DGKB: variants seen among roughly 807,000 people sequenced by gnomAD.
DGKB encodes the protein 90 kDa diacylglycerol kinase.
DGKB carries 67 observed loss-of-function variants against 114.3 expected under a neutral mutation model. That is an observed-to-expected ratio of 0.59 (90% CI 0.48 to 0.72). The LOEUF is 0.72. Ranked by LOEUF, DGKB falls within the 30% of genes least tolerant of loss-of-function variation. DGKB has a pLI of 0.00. For missense variants in DGKB, 907 were observed against 975.2 expected, an observed-to-expected ratio of 0.93 and a Z score of 0.93; for synonymous variants, 398 against 323.1, an observed-to-expected ratio of 1.23 and a Z score of -2.49.
chr7:14,875,061 G>T (rs1239751435), intron 1 of DGKB, among the ~76,000 whole-genome samples: 1 of 152,024 alleles, frequency 6.6e-6, no homozygotes, highest in Non-Finnish European at 1.5e-5. Flanking sequence ...TTAGGGAGAA[G>T]TTTGGTGTAC....
chr7:14,696,364 G>A (rs1015942526), intron 8 of DGKB, among the ~76,000 whole-genome samples: 3 of 151,622 alleles, frequency 2.0e-5, no homozygotes, highest in African/African-American at 4.8e-5. Context: ...GCGCGGTGGC[G>A]GGCGCCTGTA....
In DGKB at chr7:14,698,310, C is replaced by A. The variant is rs1290083782; in HGVS notation, c.517-141G>T. The A allele has an allele frequency of 7.7e-6, 4 of 518,532 alleles. No individual in the cohort carries two copies. The African/African-American group carries it at 8.2e-5, about 11-fold the overall frequency. The allele number at this position is 518,532 out of a possible 1,614,324, so 32.1% of individuals were successfully genotyped here. ...TGGGAATATATATATGTACATAATC[C>A]TTTTTAAAGGTCTAATTAACTATAT... On this transcript the variant is annotated intron_variant, in intron 7 of 25. Coordinates refer to ENST00000402815, the MANE Select transcript of DGKB (RefSeq NM_001350709.2).
At chr7:14,655,263 A>G (rs1815523900) in intron 13 of DGKB, among the ~76,000 whole-genome samples, 1 of 151,652 alleles carries the variant, frequency 6.6e-6, no homozygotes, top group Non-Finnish European at 1.5e-5. Context: ...AGAAATACAA[A>G]TGGCCAAAAA....
intron 1 of DGKB, among the ~76,000 whole-genome samples, chr7:14,885,283 C>G (rs890563159): frequency 6.6e-6 from 1 of 151,946 alleles, no homozygotes; most frequent in African/African-American, 2.4e-5. Context: ...ATTTCCTGCA[C>G]TCAAGGACAA....
chr7:14,915,935 T>C (rs2128245264), intron 1 of DGKB, among the ~76,000 whole-genome samples: 1 of 152,092 alleles, frequency 6.6e-6, no homozygotes. Flanking sequence ...AAATAAAATG[T>C]TTTGCTTTTC....
chr7:14,824,647 C>A (rs1156612075), intron 2 of DGKB, among the ~76,000 whole-genome samples: 1 of 151,970 alleles, frequency 6.6e-6, no homozygotes, highest in Non-Finnish European at 1.5e-5. Context: ...TGTCACAGCA[C>A]GTCACAACAT....
intron 13 of DGKB, among the ~76,000 whole-genome samples, chr7:14,665,435 G>A (rs1817866588): frequency 6.6e-6 from 1 of 151,894 alleles, no homozygotes; most frequent in South Asian, 2.1e-4. Flanking sequence ...TAGTACCTGG[G>A]TGATGAAATA....
At chr7:14,816,983 A>G (rs537002951) in intron 2 of DGKB, among the ~76,000 whole-genome samples, 24 of 152,342 alleles carry the variant, frequency 1.6e-4, no homozygotes, top group African/African-American at 5.8e-4. Flanking sequence ...TTTTCATAAT[A>G]TGCATTAATA....
chr7:14,405,927 A>C (rs1214069329), intron 21 of DGKB, among the ~76,000 whole-genome samples: 2 of 152,010 alleles, frequency 1.3e-5, no homozygotes, highest in East Asian at 3.9e-4. Flanking sequence ...TGGGCTAATG[A>C]AGCAACACAA....
intron 17 of DGKB, among the ~76,000 whole-genome samples, chr7:14,596,612 C>T (rs540947784): frequency 6.6e-5 from 10 of 152,318 alleles, no homozygotes; most frequent in Admixed American, 5.9e-4. Flanking sequence ...ACCTCATCCT[C>T]TTTTAGTCAG....
intron 23 of DGKB, among the ~76,000 whole-genome samples, chr7:14,317,589 G>T (rs933627901): frequency 6.7e-6 from 1 of 148,482 alleles, no homozygotes; most frequent in African/African-American, 2.5e-5. Flanking sequence ...GGATGTGAAG[G>T]ACCTCTTCAA....
chr7:14,639,542 T>C (rs911417488), intron 13 of DGKB, among the ~76,000 whole-genome samples: 2 of 152,140 alleles, frequency 1.3e-5, no homozygotes, highest in Non-Finnish European at 2.9e-5. Flanking sequence ...TCCACAGAAA[T>C]AGGCTGTGCC....
chr7:14,606,100 T>G (rs1694692820), intron 17 of DGKB, among the ~76,000 whole-genome samples: 2 of 152,122 alleles, frequency 1.3e-5, no homozygotes, highest in South Asian at 4.1e-4. Flanking sequence ...AATATCCTAA[T>G]TCAAAGAAGA....
At chr7:14,427,201 C>T (rs952366116) in intron 21 of DGKB, among the ~76,000 whole-genome samples, 10 of 152,102 alleles carry the variant, frequency 6.6e-5, no homozygotes, top group African/African-American at 1.9e-4. Context: ...CACATGTTTA[C>T]GTATGTAACA....
intron 23 of DGKB, among the ~76,000 whole-genome samples, chr7:14,273,779 G>C (rs1443049333): frequency 6.6e-6 from 1 of 152,106 alleles, no homozygotes; most frequent in African/African-American, 2.4e-5. Flanking sequence ...CTAGTAAGTA[G>C]CTTTAAGTTC....
At chr7:14,703,979 A>G (rs1333158278) in intron 6 of DGKB, among the ~76,000 whole-genome samples, 2 of 152,144 alleles carry the variant, frequency 1.3e-5, no homozygotes, top group East Asian at 1.9e-4. Context: ...AAGTGTACAC[A>G]CCAATGTAAC....
chr7:14,348,493 A>T (rs1471579835), intron 21 of DGKB, among the ~76,000 whole-genome samples: 2 of 151,986 alleles, frequency 1.3e-5, no homozygotes, highest in East Asian at 3.9e-4. Flanking sequence ...AGATATACAG[A>T]TGGAAAAAAA....
At chr7:14,381,491 A>G (rs2128682148) in intron 21 of DGKB, among the ~76,000 whole-genome samples, 1 of 152,318 alleles carries the variant, frequency 6.6e-6, no homozygotes, top group Non-Finnish European at 1.5e-5. Flanking sequence ...TTTAGAGATG[A>G]GTAAATGACA....
chr7:14,783,369 T>G (rs1013953455), intron 2 of DGKB, among the ~76,000 whole-genome samples: 1 of 152,198 alleles, frequency 6.6e-6, no homozygotes, highest in Non-Finnish European at 1.5e-5. Context: ...AAATATGTAC[T>G]CCTGAATTAC....
Sources: allele counts gnomAD v4.1 joint callset (sites outside exome capture counted in the v4.1 genomes callset), GRCh38; gene constraint gnomAD v4.1.1; transcripts MANE v1.5; gene names NCBI Gene and HGNC (gene_info 2026-07-23, HGNC 2026-07-21).